UBE3B: variants seen among roughly 807,000 people sequenced by gnomAD.
The protein encoded by UBE3B is ubiquitin protein ligase E3B, also known as ubiquitin-protein ligase E3B.
In UBE3B, 80 loss-of-function variants were observed where a neutral mutation model predicts 132.3. The observed-to-expected ratio is 0.60, with a 90% confidence interval of 0.50 to 0.73. The LOEUF is 0.73. Ranked by LOEUF, UBE3B falls within the 30% of genes least tolerant of loss-of-function variation. The probability of loss-of-function intolerance (pLI) is 0.00; values close to 1 mark genes in which losing one functional copy is unlikely to be tolerated. For synonymous variants in UBE3B, 487 were observed against 520.4 expected, an observed-to-expected ratio of 0.94 and a Z score of 0.87; for missense variants, 1,196 against 1,362.5, an observed-to-expected ratio of 0.88 and a Z score of 1.92.
chr12:109,543,725 C>G, the UBE3B span, among the ~76,000 whole-genome samples: 1 of 152,148 alleles, frequency 6.6e-6, no homozygotes, highest in Admixed American at 6.5e-5. Flanking sequence ...CTCAGCTACT[C>G]TGGAGGCTGA....
At chr12:109,528,235 G>T (rs554859471) in intron 24 of UBE3B, 1 of 677,554 alleles carries the variant, frequency 1.5e-6, no homozygotes. Flanking sequence ...CACTTTATGA[G>T]TGTTGGATGT....
chr12:109,515,059 G>A (rs1242778645), intron 18 of UBE3B, among the ~76,000 whole-genome samples: 1 of 150,248 alleles, frequency 6.7e-6, no homozygotes, highest in Non-Finnish European at 1.5e-5. Context: ...GACTACAGGT[G>A]CTCGCCACCA....
In UBE3B at chr12:109,510,360, GAC is replaced by G; in HGVS notation, c.1759_1760del (p.Thr587LeufsTer37). 1 of 1,609,430 alleles carries G rather than the reference GAC, an allele frequency of 6.2e-7. No individual in the cohort carries two copies. The highest frequency in any genetic ancestry group is 8.5e-7 in the Non-Finnish European group (1 of 1,177,960). On this transcript the variant is annotated frameshift_variant, in exon 17 of 28. Coordinates refer to ENST00000342494, the MANE Select transcript of UBE3B (RefSeq NM_130466.4). LOFTEE classifies it high-confidence loss of function. ...GTCCCACAGAGAACGCCAAGGGTGA[GAC>G]CTTGGAGCTGTTCCAGTCTGTCCAC... is the stretch of plus-strand genomic sequence containing the variant. ...DGIVENAKGE[T>X]LELFQSVHGW... is the part of the protein sequence containing the mutation.
At chr12:109,485,899 A>G (rs1372728704) in intron 4 of UBE3B, 113 bp from the exon 5 acceptor site, 9 of 1,124,352 alleles carry the variant, frequency 8.0e-6, no homozygotes, top group Non-Finnish European at 1.1e-5. Flanking sequence ...TTATGTGTGA[A>G]TCACCTGGCA....
At position 109,530,648 on chromosome 12, in the gene UBE3B, T is replaced by C. The variant is rs371521249; in HGVS notation, c.2912T>C (p.Met971Thr). 1.7e-5 allele frequency: 28 copies of C among 1,614,094 alleles called. No individual in the cohort carries two copies. The highest frequency in any genetic ancestry group is 3.3e-5 in the Admixed American group (2 of 60,006). ...ASDFTPDERAMFLKFVTSCSR... is the reference protein window; with the variant it reads ...ASDFTPDERATFLKFVTSCSR... Reference sequence around the variant, plus strand: ...GACTTCACACCGGATGAGAGAGCTATGTTTCTGAAGGTATTTTATTTATTA... The same window carrying C: ...GACTTCACACCGGATGAGAGAGCTACGTTTCTGAAGGTATTTTATTTATTA... Residue 971 changes from methionine to threonine, a missense_variant, in exon 26 of 28, where the codon ATG becomes ACG. Coordinates refer to ENST00000342494, the MANE Select transcript of UBE3B (RefSeq NM_130466.4).
At chr12:109,544,141 A>G in the UBE3B span, among the ~76,000 whole-genome samples, 3 of 152,258 alleles carry the variant, frequency 2.0e-5, no homozygotes, top group East Asian at 5.8e-4. Context: ...AACAACCTGG[A>G]GTATGGTCCC....
Position 109,509,599 on chromosome 12 carries a change from C to T in UBE3B, c.1626C>T (p.Ile542=). The T allele has an allele frequency of 6.3e-7, 1 of 1,591,682 alleles. No individual in the cohort carries two copies. Among genetic ancestry groups the T allele is most frequent in the African/African-American group, 1.4e-5 (1 of 73,742 alleles). ...FCDCSRHLIT[I]LDDIEVYEEQ... ...GGTAATTTTCTCTCTGATTTAGAAT[C>T]CTTGATGACATTGAAGTTTATGAAG... The change falls in exon 16 of 28, where the codon ATC becomes ATT. Residue 542 remains isoleucine (I), a synonymous_variant. Coordinates refer to ENST00000342494, the MANE Select transcript of UBE3B (RefSeq NM_130466.4).
In UBE3B at chr12:109,529,957, C is replaced by A. The variant is rs1331385525; in HGVS notation, c.2695C>A (p.Leu899Ile). 1 of 1,614,074 alleles carries A rather than the reference C, an allele frequency of 6.2e-7. No individual in the cohort carries two copies. The highest frequency in any genetic ancestry group is 1.3e-5 in the African/African-American group (1 of 74,916). Residue 899 changes from leucine to isoleucine, a missense_variant, in exon 25 of 28, where the codon CTC (leucine) becomes ATC (isoleucine). Leu to Ile is a conservative substitution (Grantham distance 5). Coordinates refer to ENST00000342494, the MANE Select transcript of UBE3B (RefSeq NM_130466.4). ...TCAAATAAAAAACCAAACAGCTGCC[C>A]TCATTAGCGGATTCCGTTCCATTAT... ...HTQIKNQTAA[L>I]ISGFRSIIKP...
chr12:109,544,501 C>T, the UBE3B span, among the ~76,000 whole-genome samples: 8 of 152,136 alleles, frequency 5.3e-5, no homozygotes, highest in South Asian at 2.1e-4. Context: ...CTGTCAAAAC[C>T]GAGCCACTGC....
Position 109,503,034 on chromosome 12 carries a change from C to G in UBE3B, c.1294C>G (p.Arg432Gly). 1 of 1,614,124 alleles carries G rather than the reference C, an allele frequency of 6.2e-7. No individual in the cohort carries two copies. The highest frequency in any genetic ancestry group is 8.5e-7 in the Non-Finnish European group (1 of 1,180,010). ...TTTCTCCATGCCAGGTCTCCTAAAGCGTGCTTTTCAAAAGTCGGCATCAGT... is the reference window on the plus strand; with the variant it reads ...TTTCTCCATGCCAGGTCTCCTAAAGGGTGCTTTTCAAAAGTCGGCATCAGT... ...NVLPVKSLLK[R>G]AFQKSASVRN... is the part of the protein sequence containing the mutation. Residue 432 changes from arginine (R) to glycine (G), a missense_variant, in exon 14 of 28, where the codon CGT (arginine) becomes GGT (glycine). Coordinates refer to ENST00000342494, the MANE Select transcript of UBE3B (RefSeq NM_130466.4).
At chr12:109,478,365 T>C (rs777984456) in intron 1 of UBE3B, among the ~76,000 whole-genome samples, 4 of 152,196 alleles carry the variant, frequency 2.6e-5, no homozygotes, top group Non-Finnish European at 4.4e-5. Flanking sequence ...AATAACTGTT[T>C]TGGATATACA....
In UBE3B at chr12:109,526,432, A is replaced by T; in HGVS notation, c.2627+16A>T. Reference sequence around the variant, plus strand: ...ATGAAAATAAGTGAGTATAGCAATTAGGTTTTTAAGGTCACCACTTGAAAA... The same window carrying T: ...ATGAAAATAAGTGAGTATAGCAATTTGGTTTTTAAGGTCACCACTTGAAAA... On this transcript the variant is annotated intron_variant, in intron 24 of 27. Coordinates refer to ENST00000342494, the MANE Select transcript of UBE3B (RefSeq NM_130466.4). 1.2e-6 allele frequency: 2 copies of T among 1,613,142 alleles called. No homozygotes were observed. Among genetic ancestry groups the T allele is most frequent in the Non-Finnish European group, 1.7e-6 (2 of 1,179,178 alleles).
chr12:109,490,405 T>A (rs566771767), intron 8 of UBE3B: 1 of 1,522,444 alleles, frequency 6.6e-7, no homozygotes, highest in East Asian at 2.5e-5. Context: ...AGGGAATTGT[T>A]GAGAAAGCCT....
At position 109,503,034 on chromosome 12, in the gene UBE3B, C is replaced by T. The variant is rs750163727; in HGVS notation, c.1294C>T (p.Arg432Cys). ...NVLPVKSLLK[R>C]AFQKSASVRN... ...TTTCTCCATGCCAGGTCTCCTAAAG[C>T]GTGCTTTTCAAAAGTCGGCATCAGT... The change falls in exon 14 of 28, where the codon CGT (arginine) becomes TGT (cysteine). Residue 432 changes from arginine to cysteine, a missense_variant. Transcript: ENST00000342494. The T allele has an allele frequency of 6.2e-6, 10 of 1,614,006 alleles. No individual in the cohort carries two copies. In the South Asian group the frequency reaches 9.9e-5, roughly 16 times the overall value.
intron 9 of UBE3B, among the ~76,000 whole-genome samples, chr12:109,493,379 CT>C (rs761702500): frequency 1.3e-5 from 2 of 152,230 alleles, no homozygotes; most frequent in Non-Finnish European, 2.9e-5. Flanking sequence ...CCTCACCTTT[CT>C]TACCTGTCCA....
Position 109,524,486 on chromosome 12 carries a change from GA to G in UBE3B, c.2552del (p.Glu851GlyfsTer12). 1 of 1,614,170 alleles carries G rather than the reference GA, an allele frequency of 6.2e-7. No homozygotes were observed. The highest frequency in any genetic ancestry group is 1.3e-5 in the African/African-American group (1 of 75,070). On this transcript the variant is annotated frameshift_variant, in exon 23 of 28. Coordinates refer to ENST00000342494, the MANE Select transcript of UBE3B (RefSeq NM_130466.4). LOFTEE classifies it high-confidence loss of function. ...TDLGLTLSYD[E>X]DVMGQLVCHE... ...CCTGGGCCTGACGCTGTCTTACGACGAGGACGTCATGGGTCAGGTAGGTCCG... is the reference window on the plus strand; with the variant it reads ...CCTGGGCCTGACGCTGTCTTACGACGGGACGTCATGGGTCAGGTAGGTCCG...
intron 13 of UBE3B, among the ~76,000 whole-genome samples, chr12:109,501,799 C>T (rs1023744462): frequency 3.0e-4 from 46 of 151,908 alleles, no homozygotes; most frequent in Admixed American, 2.2e-3. Flanking sequence ...GGACTACAGG[C>T]GTGTACTGCC....
intron 1 of UBE3B, among the ~76,000 whole-genome samples, chr12:109,479,246 A>G (rs544053888): frequency 6.6e-6 from 1 of 152,192 alleles, no homozygotes; most frequent in African/African-American, 2.4e-5. Context: ...ACTAGATTGC[A>G]AGCTTCTTAA....
chr12:109,528,535 C>G, intron 24 of UBE3B: 4 of 977,750 alleles, frequency 4.1e-6, no homozygotes, highest in Non-Finnish European at 4.9e-6. Flanking sequence ...ATACGTGGGC[C>G]GGGCTCAAGT....
Sources: allele counts gnomAD v4.1 joint callset (sites outside exome capture counted in the v4.1 genomes callset), GRCh38; gene constraint gnomAD v4.1.1; transcripts MANE v1.5; gene names NCBI Gene and HGNC (gene_info 2026-07-23, HGNC 2026-07-21).